Variants in TP53I13 observed in about 807,000 individuals in gnomAD.
TP53I13 encodes tumor protein p53-inducible protein 13.
A neutral mutation model predicts 39.1 loss-of-function variants in TP53I13; 27 were observed. The observed-to-expected ratio is 0.69, with a 90% confidence interval of 0.51 to 0.95. TP53I13 has a LOEUF of 0.95. TP53I13 is among the 40% of genes least tolerant of loss of function. TP53I13 has a pLI of 0.00. For synonymous variants in TP53I13, 230 were observed against 224.6 expected, an observed-to-expected ratio of 1.02 and a Z score of -0.22; for missense variants, 544 against 520.4, an observed-to-expected ratio of 1.05 and a Z score of -0.44.
the TP53I13 span, chr17:29,582,235 T>C: frequency 2.1e-6 from 2 of 969,984 alleles, no homozygotes; most frequent in East Asian, 2.6e-5. Flanking sequence ...CTGGGACACC[T>C]AGCAGCTCCA....
upstream of TP53I13, chr17:29,568,667 G>GGGA: frequency 2.2e-6 from 2 of 892,684 alleles, no homozygotes; most frequent in Non-Finnish European, 2.7e-6. The surrounding 1 kb of genome is among the most constrained non-coding windows in gnomAD (Gnocchi z 4.5). Context: ...GGCGCGGGCG[G>GGGA]CGCGGGGGCG....
chr17:29,574,850 T>C, downstream of TP53I13: 1 of 1,602,070 alleles, frequency 6.2e-7, no homozygotes, highest in Non-Finnish European at 8.5e-7. Flanking sequence ...GCACTCACTC[T>C]GCAGCCGGTA....
At chr17:29,581,668 G>T in the TP53I13 span, 7 of 1,134,998 alleles carry the variant, frequency 6.2e-6, no homozygotes, top group Admixed American at 1.0e-4. The surrounding 1 kb of genome is among the most constrained non-coding windows in gnomAD (Gnocchi z 4.8). Context: ...ACCTGCTGCC[G>T]GGTGCGTCCA....
downstream of TP53I13, chr17:29,573,339 C>T (rs117986445): frequency 7.8e-4 from 129 of 166,378 alleles, no homozygotes; most frequent in Non-Finnish European, 1.5e-3. Context: ...CTTTGTTATT[C>T]GCAAACTAAC....
the TP53I13 span, chr17:29,581,843 G>C: frequency 6.2e-7 from 1 of 1,612,332 alleles, no homozygotes; most frequent in East Asian, 2.2e-5. The surrounding 1 kb of genome is among the most constrained non-coding windows in gnomAD (Gnocchi z 4.8). Context: ...CTGCCTGTGA[G>C]GAGGGGGTAT....
At chr17:29,567,800 G>A (rs2032759967), upstream of TP53I13, among the ~76,000 whole-genome samples, 1 of 152,150 alleles carries the variant, frequency 6.6e-6, no homozygotes, top group Non-Finnish European at 1.5e-5. This position sits in a 1 kb window ranked among gnomAD's most constrained non-coding sequence, Gnocchi z 6.6. Context: ...GACCTACAAG[G>A]AACGCCTCGT....
downstream of TP53I13, chr17:29,574,754 G>A: frequency 1.2e-6 from 2 of 1,613,640 alleles, no homozygotes; most frequent in Non-Finnish European, 1.7e-6. Flanking sequence ...GGCAGCCTTG[G>A]CGATGTCATA....
the TP53I13 span, chr17:29,578,381 GAGAGGGGCCC>G: frequency 6.2e-7 from 1 of 1,613,680 alleles, no homozygotes; most frequent in Non-Finnish European, 8.5e-7. Context: ...GCTGGAGGAA[GAGAGGGGCCC>G]AGATGTTGTC....
rs561031365 is a variant in TP53I13 at position 29,571,350 on chromosome 17, A to G, written c.184-241A>G. The G allele has an allele frequency of 1.8e-4, 99 of 536,748 alleles. No individual in the cohort carries two copies. The African/African-American group carries it at 1.9e-3, about 10-fold the overall frequency. 33.2% of individuals were successfully genotyped at this position (536,748 alleles called of 1,614,324 possible). A position where few individuals can be genotyped will look rare whatever the true frequency, so the allele number is the denominator to read the frequency against. ...TGGTCTGAGTCTGGCAGGATTATCCAGGCATGCTGTGAGCTTTGAAGGGTG... is the reference window on the plus strand; with the variant it reads ...TGGTCTGAGTCTGGCAGGATTATCCGGGCATGCTGTGAGCTTTGAAGGGTG... On this transcript the variant is annotated intron_variant, in intron 3 of 6. Transcript: ENST00000301057.
Position 29,573,140 on chromosome 17 carries a change from T to G in TP53I13, c.*216T>G. On this transcript the variant is annotated 3_prime_UTR_variant, in exon 7 of 7. Transcript: ENST00000301057. ...CCCTTGCCAAAACTCCGTTTCTAAT[T>G]AAATTATTTTTAGTAGACTCTGGAG... The G allele has an allele frequency of 2.4e-6, 1 of 423,730 alleles. No individual in the cohort carries two copies. Among genetic ancestry groups the G allele is most frequent in the Non-Finnish European group, 4.1e-6 (1 of 242,022 alleles). 26.2% of individuals were successfully genotyped at this position (423,730 alleles called of 1,614,324 possible).
At chr17:29,574,059 C>T (rs563442150), downstream of TP53I13, 1 of 152,566 alleles carries the variant, frequency 6.6e-6, no homozygotes, top group South Asian at 2.1e-4. Flanking sequence ...CGCCCACACA[C>T]TCAACACGCA....
At chr17:29,575,585 C>T, downstream of TP53I13, 2 of 1,592,096 alleles carry the variant, frequency 1.3e-6, no homozygotes, top group Non-Finnish European at 1.7e-6. This position sits in a 1 kb window ranked among gnomAD's most constrained non-coding sequence, Gnocchi z 5.5. Context: ...AACCTCCCCG[C>T]CTCGGCATGT....
downstream of TP53I13, chr17:29,577,800 T>C: frequency 9.5e-7 from 1 of 1,057,476 alleles, no homozygotes; most frequent in East Asian, 2.4e-5. Context: ...AAGGTGGGGG[T>C]GGGGAAGCAC....
chr17:29,577,840 C>T (rs1425904500), downstream of TP53I13: 1 of 755,102 alleles, frequency 1.3e-6, no homozygotes, highest in African/African-American at 1.7e-5. Flanking sequence ...TGCCCCCACG[C>T]CTACTGAGCA....
chr17:29,573,394 C>G (rs931387137), downstream of TP53I13: 1 of 154,744 alleles, frequency 6.5e-6, no homozygotes, highest in Non-Finnish European at 1.4e-5. Flanking sequence ...TTCCCTAGGG[C>G]GGGGGTCCTG....
At chr17:29,579,525 C>T in the TP53I13 span, among the ~76,000 whole-genome samples, 4 of 152,100 alleles carry the variant, frequency 2.6e-5, no homozygotes, top group African/African-American at 7.2e-5. Context: ...GTGGGAGGTT[C>T]GCTTGAGGCC....
At chr17:29,567,650 C>T (rs2032756434), upstream of TP53I13, among the ~76,000 whole-genome samples, 1 of 152,122 alleles carries the variant, frequency 6.6e-6, no homozygotes, top group Admixed American at 6.5e-5. This position sits in a 1 kb window ranked among gnomAD's most constrained non-coding sequence, Gnocchi z 6.6. Flanking sequence ...TCCTCGCCCC[C>T]GTCCCCGCGA....
Position 29,572,139 on chromosome 17 carries a change from T to C in TP53I13, c.514-3T>C. On this transcript the variant is annotated splice_region_variant and splice_polypyrimidine_tract_variant and intron_variant, in intron 5 of 6. Coordinates refer to ENST00000301057, the MANE Select transcript of TP53I13 (RefSeq NM_138349.4). The stretch of plus-strand genomic sequence containing the variant: ...GGGTGATTGCTCTCTCTCCTCTCCT[T>C]AGGCCCTGGCTCTGGCCTTTGCTCT... 6.2e-7 allele frequency: 1 copy of C among 1,609,136 alleles called. No individual in the cohort carries two copies. The highest frequency in any genetic ancestry group is 8.5e-7 in the Non-Finnish European group (1 of 1,177,306).
At chr17:29,571,532 C>T in intron 3 of TP53I13, 59 bp from the exon 4 acceptor site, 1 of 1,603,354 alleles carries the variant, frequency 6.2e-7, no homozygotes, top group Non-Finnish European at 8.5e-7. Flanking sequence ...GATGGGAGAA[C>T]TTGAGATTCT....
Sources: allele counts gnomAD v4.1 joint callset (sites outside exome capture counted in the v4.1 genomes callset), GRCh38; gene constraint gnomAD v4.1.1; non-coding constraint Gnocchi (gnomAD v3.1); transcripts MANE v1.5; gene names NCBI Gene and HGNC (gene_info 2026-07-23, HGNC 2026-07-21).